The following OPRL1 variants were observed in gnomAD, a reference collection of about 807,000 sequenced individuals.
OPRL1 encodes the protein nociceptin receptor.
In OPRL1, 5 loss-of-function variants were observed where a neutral mutation model predicts 15.5. The observed-to-expected ratio is 0.32, with a 90% CI of 0.17 to 0.68. The LOEUF is 0.68. Ranked by LOEUF, OPRL1 falls within the 30% of genes least tolerant of loss-of-function variation. The pLI is 0.72. For missense variants in OPRL1, 406 were observed against 515.3 expected (o/e 0.79, Z 2.05); for synonymous variants, 223 against 230.2 (o/e 0.97, Z 0.28).
chr20:64,096,507 C>T (rs1979123878), intron 3 of OPRL1, among the ~76,000 whole-genome samples: 1 of 152,146 alleles, frequency 6.6e-6, no homozygotes, highest in African/African-American at 2.4e-5. Context: ...CCCTGAAGAG[C>T]TTGGCACAGG....
chr20:64,083,788 C>A lies in OPRL1; in HGVS notation c.-185+3436C>A, dbSNP rs1332410478. 4 of 1,334,818 alleles carry A rather than the reference C, an allele frequency of 3.0e-6. No individual in the cohort carries two copies. Among genetic ancestry groups the A allele is most frequent in the East Asian group, 6.3e-5 (2 of 31,964 alleles). 82.7% of individuals were successfully genotyped at this position (1,334,818 alleles called of 1,614,324 possible). A position where few individuals can be genotyped will look rare whatever the true frequency, so the allele number is the denominator to read the frequency against. On this transcript the variant is annotated intron_variant, in intron 1 of 4. Coordinates refer to ENST00000336866, the MANE Select transcript of OPRL1 (RefSeq NM_182647.4). The surrounding 1 kb of genome is among the most constrained non-coding windows in gnomAD (Gnocchi z 4.9). ...GCTCCGCTCAACGCTCCCGGTGCGC[C>A]CCCTCTGCCCTCCGACCCCCTCGCC...
rs1446923385 is a variant in OPRL1, at chr20:64,098,454, G to C, written c.768G>C (p.Arg256=). Residue 256 remains arginine, a synonymous_variant, in exon 5 of 5, where the codon CGG becomes CGC. Transcript: ENST00000336866. ...TCTCGGGCTCCCGAGAGAAGGACCG[G>C]AACCTGCGGCGCATCACTCGGCTGG... ...RLLSGSREKD[R]NLRRITRLVL... 8 of 1,613,422 alleles carry C rather than the reference G, an allele frequency of 5.0e-6. No homozygotes were observed. The highest frequency in any genetic ancestry group is 5.1e-6 in the Non-Finnish European group (6 of 1,180,010).
rs922958664 is a variant in OPRL1, at chr20:64,090,747, G to T, written c.-184-1219G>T. 6.6e-6 allele frequency among the ~76,000 whole-genome samples: 1 copy of T among 151,580 alleles called. No homozygotes were observed. Among genetic ancestry groups the T allele is most frequent in the African/African-American group, 2.4e-5 (1 of 40,908 alleles). On this transcript the variant is annotated intron_variant, in intron 1 of 4. Coordinates refer to ENST00000336866, the MANE Select transcript of OPRL1 (RefSeq NM_182647.4). This position sits in a 1 kb window ranked among gnomAD's most constrained non-coding sequence, Gnocchi z 4.9. ...AGTGATGCTCAGCCACTGATCTGGGGCCCAGCTGTGGCAGAGGTGCCCTGG... is the reference window on the plus strand; with the variant it reads ...AGTGATGCTCAGCCACTGATCTGGGTCCCAGCTGTGGCAGAGGTGCCCTGG...
chr20:64,084,187 CT>C, intron 1 of OPRL1: 1 of 1,445,618 alleles, frequency 6.9e-7, no homozygotes, highest in Non-Finnish European at 9.0e-7. Context: ...CCCGCGGGCC[CT>C]TGCGCCCGCC....
intron 3 of OPRL1, among the ~76,000 whole-genome samples, chr20:64,095,236 T>G (rs1601651545): frequency 4.3e-5 from 1 of 23,436 alleles, no homozygotes; most frequent in Non-Finnish European, 7.5e-5. Context: ...GCTGGGGGGA[T>G]AGTGGGGGGA....
chr20:64,098,929 G>T lies in OPRL1; in HGVS notation c.*130G>T, dbSNP rs949365079. ...CCTGAGCATCCAGAGCCTGGGATGG[G>T]CTTTTCCCTGTGGGCCAGGGATGCT... On this transcript the variant is annotated 3_prime_UTR_variant, in exon 5 of 5. Coordinates refer to ENST00000336866, the MANE Select transcript of OPRL1 (RefSeq NM_182647.4). The T allele has an allele frequency of 1.2e-5, 15 of 1,291,510 alleles. No individual in the cohort carries two copies. In the African/African-American group the frequency reaches 2.2e-4, roughly 19 times the overall value. The allele number at this position is 1,291,510 out of a possible 1,614,324, so 80.0% of individuals were successfully genotyped here.
At chr20:64,092,592 G>T in intron 2 of OPRL1, 96 bp from the exon 3 acceptor site, 2 of 877,152 alleles carry the variant, frequency 2.3e-6, no homozygotes, top group South Asian at 1.7e-5. Flanking sequence ...CAGCGTGGGG[G>T]TCCATGTGCC....
intron 1 of OPRL1, among the ~76,000 whole-genome samples, chr20:64,082,255 T>C (rs963368299): frequency 6.6e-6 from 1 of 152,104 alleles, no homozygotes; most frequent in Non-Finnish European, 1.5e-5. Flanking sequence ...GCCTCCTTCC[T>C]CTCTACCCTT....
In OPRL1 at chr20:64,097,325, C is replaced by T. The variant is rs1979301423; in HGVS notation, c.234-477C>T. Among the ~76,000 whole-genome samples, 1 of 152,090 alleles carries T rather than the reference C, an allele frequency of 6.6e-6. No homozygotes were observed. The highest frequency in any genetic ancestry group is 2.4e-5 in the African/African-American group (1 of 41,408). On this transcript the variant is annotated intron_variant, in intron 3 of 4. Coordinates refer to ENST00000336866, the MANE Select transcript of OPRL1 (RefSeq NM_182647.4). This position sits in a 1 kb window ranked among gnomAD's most constrained non-coding sequence, Gnocchi z 4.2. Reference sequence around the variant, plus strand: ...CTAGGCAGCAGTGTGGACTTGGAAGCCTTTTGATATGTTCTTACAGATTCT... The same window carrying T: ...CTAGGCAGCAGTGTGGACTTGGAAGTCTTTTGATATGTTCTTACAGATTCT...
At chr20:64,081,246 A>G (rs910787580) in intron 1 of OPRL1, among the ~76,000 whole-genome samples, 1 of 152,212 alleles carries the variant, frequency 6.6e-6, no homozygotes, top group Non-Finnish European at 1.5e-5. Flanking sequence ...AGGCAAGGAA[A>G]GGCAGGGGCC....
In OPRL1 at chr20:64,100,109, TG is replaced by T. The variant is rs3215634; in HGVS notation, c.*1320del. 34,937 of 124,014 alleles carry T rather than the reference TG, an allele frequency of 0.28. 4,320 individuals carry two copies. Among genetic ancestry groups the T allele is most frequent in the African/African-American group, 0.35 (12,678 of 35,986 alleles). The allele number at this position is 124,014 out of a possible 1,614,324, so 7.7% of individuals were successfully genotyped here. Reference sequence around the variant, plus strand: ...GTGGCTGTGAGGACACTGCGGGGGTTGGGGGGGGGGCGTCTGTACCTCAGGG... The same window carrying T: ...GTGGCTGTGAGGACACTGCGGGGGTTGGGGGGGGGCGTCTGTACCTCAGGG... On this transcript the variant is annotated 3_prime_UTR_variant, in exon 5 of 5. Coordinates refer to ENST00000336866, the MANE Select transcript of OPRL1 (RefSeq NM_182647.4).
chr20:64,096,098 G>A (rs1315232039), intron 3 of OPRL1, among the ~76,000 whole-genome samples: 1 of 152,152 alleles, frequency 6.6e-6, no homozygotes, highest in Non-Finnish European at 1.5e-5. Context: ...GCTGAGGAGT[G>A]CGGCAGCCTG....
chr20:64,084,056 A>C, intron 1 of OPRL1: 1 of 1,499,814 alleles, frequency 6.7e-7, no homozygotes, highest in South Asian at 1.2e-5. Context: ...CTGCGCAGGG[A>C]GCATGGCCGC....
chr20:64,084,753 C>G (rs552471948), intron 1 of OPRL1, among the ~76,000 whole-genome samples: 1 of 152,324 alleles, frequency 6.6e-6, no homozygotes, highest in East Asian at 1.9e-4. Context: ...GCTGGCTCCT[C>G]CCTTCCCGGC....
rs1979404959 is a variant in OPRL1, at chr20:64,098,142, C to G, written c.574C>G (p.Gln192Glu). The part of the protein sequence containing the change: ...GVPVAIMGSA[Q>E]VEDEEIECLV... ...TCCCGTTGCCATCATGGGCTCGGCA[C>G]AGGTCGAGGATGAAGGTCAGTGGGG... is the stretch of plus-strand genomic sequence containing the variant. The change falls in exon 4 of 5, where the codon CAG becomes GAG. Residue 192 changes from glutamine (Q) to glutamate (E), a missense_variant. Coordinates refer to ENST00000336866, the MANE Select transcript of OPRL1 (RefSeq NM_182647.4). The G allele has an allele frequency of 6.2e-7, 1 of 1,613,014 alleles. No homozygotes were observed. The highest frequency in any genetic ancestry group is 1.3e-5 in the African/African-American group (1 of 74,928).
Position 64,097,817 on chromosome 20 carries a change from G to A in OPRL1, c.249G>A (p.Lys83=). The change falls in exon 4 of 5, where the codon AAG becomes AAA. Residue 83 remains lysine, a synonymous_variant. Transcript: ENST00000336866. This position sits in a 1 kb window ranked among gnomAD's most constrained non-coding sequence, Gnocchi z 4.2. ...TACTCCGCAGGCACACCAAAATGAA[G>A]ACAGCCACCAATATTTACATCTTTA... ...MYVILRHTKM[K]TATNIYIFNL... The A allele has an allele frequency of 6.2e-7, 1 of 1,611,874 alleles. No homozygotes were observed. The highest frequency in any genetic ancestry group is 8.5e-7 in the Non-Finnish European group (1 of 1,178,570).
intron 1 of OPRL1, chr20:64,086,520 C>T (rs1477069671): frequency 1.0e-5 from 2 of 197,176 alleles, no homozygotes; most frequent in Non-Finnish European, 2.3e-5. Flanking sequence ...ACGTGTTTTT[C>T]AAGGGCTAAC....
rs1979416715 is a variant in OPRL1, at chr20:64,098,217, G to A, written c.590-59G>A. 2.1e-5 allele frequency: 34 copies of A among 1,602,950 alleles called. No homozygotes were observed. In the South Asian group the frequency reaches 3.8e-4, roughly 18 times the overall value. On this transcript the variant is annotated intron_variant, in intron 4 of 4. Transcript: ENST00000336866. ...TCCCTGGCTCCCGGGTGGCTCCTCT[G>A]GGCCCACGTGCCCTCCACGTCTCCT... is the stretch of plus-strand genomic sequence containing the variant.
chr20:64,090,691 G>A lies in OPRL1; in HGVS notation c.-184-1275G>A, dbSNP rs989950600. On this transcript the variant is annotated intron_variant, in intron 1 of 4. Coordinates refer to ENST00000336866, the MANE Select transcript of OPRL1 (RefSeq NM_182647.4). This position sits in a 1 kb window ranked among gnomAD's most constrained non-coding sequence, Gnocchi z 4.9. The stretch of plus-strand genomic sequence containing the variant: ...GAGGCAACTCTGAAGGGGCCATTCA[G>A]CTGTGTGGGTGCCAGGGGCCTGTCT... 2.6e-5 allele frequency among the ~76,000 whole-genome samples: 4 copies of A among 152,254 alleles called. No individual in the cohort carries two copies. Among genetic ancestry groups the A allele is most frequent in the African/African-American group, 7.2e-5 (3 of 41,458 alleles).
Sources: gnomAD v4.1 joint callset for allele counts (sites outside exome capture counted in the v4.1 genomes callset) on GRCh38, gnomAD v4.1.1 for gene constraint, Gnocchi (gnomAD v3.1) non-coding constraint, MANE v1.5 for transcripts, NCBI Gene and HGNC (gene_info 2026-07-23, HGNC 2026-07-21) for gene names.